CADPS2: variants seen among roughly 807,000 people sequenced by gnomAD.
The protein encoded by CADPS2 is calcium dependent secretion activator 2, also known as calcium-dependent secretion activator 2.
Under a neutral mutation model 172.5 loss-of-function variants are expected in CADPS2, and 93 were observed. That is an observed-to-expected ratio of 0.54 (90% CI 0.46 to 0.64). The LOEUF is 0.64. CADPS2 is among the 30% of genes least tolerant of loss of function. The pLI is 0.00. For synonymous variants in CADPS2, 546 were observed against 555.2 expected (o/e 0.98, Z 0.23); for missense variants, 1,420 against 1,565.9 (o/e 0.91, Z 1.57).
At chr7:122,507,563 G>C (rs949796043) in intron 9 of CADPS2, among the ~76,000 whole-genome samples, 7 of 152,110 alleles carry the variant, frequency 4.6e-5, no homozygotes, top group Non-Finnish European at 1.0e-4. Flanking sequence ...GAGGAAGCTT[G>C]AGGCCAGAAT....
At chr7:122,811,605 T>C (rs1361901712) in intron 1 of CADPS2, among the ~76,000 whole-genome samples, 1 of 152,164 alleles carries the variant, frequency 6.6e-6, no homozygotes, top group African/African-American at 2.4e-5. Context: ...CAGTCACCAA[T>C]AATTGAAAAC....
intron 3 of CADPS2, among the ~76,000 whole-genome samples, chr7:122,645,346 T>C (rs1416297749): frequency 7.4e-5 from 5 of 67,470 alleles, no homozygotes; most frequent in African/African-American, 1.2e-4. Context: ...CACATGTACA[T>C]GTGTGTGTAT....
chr7:122,631,958 G>A (rs1471705437), intron 3 of CADPS2, among the ~76,000 whole-genome samples: 2 of 152,062 alleles, frequency 1.3e-5, no homozygotes, highest in Non-Finnish European at 2.9e-5. Context: ...TTTATGTTAA[G>A]GTGCTAATTT....
chr7:122,754,706 C>T (rs1289653281), intron 1 of CADPS2, among the ~76,000 whole-genome samples: 1 of 152,084 alleles, frequency 6.6e-6, no homozygotes, highest in Non-Finnish European at 1.5e-5. Context: ...AAACTCCTGA[C>T]TCAGGGGATC....
chr7:122,746,953 T>C (rs1053333735), intron 1 of CADPS2, among the ~76,000 whole-genome samples: 4 of 152,156 alleles, frequency 2.6e-5, no homozygotes, highest in Non-Finnish European at 4.4e-5. Flanking sequence ...AGGACTCTCT[T>C]ATTCATTGAC....
At chr7:122,465,711 G>A (rs2055046539) in intron 14 of CADPS2, among the ~76,000 whole-genome samples, 1 of 152,098 alleles carries the variant, frequency 6.6e-6, no homozygotes, top group Admixed American at 6.5e-5. Context: ...TGCCAAAAAG[G>A]TTGAGGACCA....
At chr7:122,645,408 T>TATAC (rs1267135101) in intron 3 of CADPS2, among the ~76,000 whole-genome samples, 1 of 27,004 alleles carries the variant, frequency 3.7e-5, no homozygotes, top group Non-Finnish European at 1.2e-4. Flanking sequence ...TATGTACATA[T>TATAC]ACACACATGT....
intron 27 of CADPS2, 33 bp downstream of exon 27, chr7:122,360,755 T>C: frequency 6.5e-7 from 1 of 1,535,572 alleles, no homozygotes; most frequent in Non-Finnish European, 8.8e-7. Context: ...AAGAATTCCA[T>C]ACAGTTTTAA....
intron 1 of CADPS2, among the ~76,000 whole-genome samples, chr7:122,863,161 G>A (rs1398457247): frequency 1.3e-5 from 2 of 152,106 alleles, no homozygotes; most frequent in Non-Finnish European, 2.9e-5. Context: ...TCAAAATGGT[G>A]AGCAATTCTC....
At chr7:122,677,536 A>G (rs575296068) in intron 2 of CADPS2, among the ~76,000 whole-genome samples, 4 of 152,350 alleles carry the variant, frequency 2.6e-5, no homozygotes, top group Admixed American at 1.3e-4. Context: ...AGAGAGTCAC[A>G]TGATAAAAAC....
chr7:122,867,955 C>T (rs939531348), intron 1 of CADPS2, among the ~76,000 whole-genome samples: 3 of 152,132 alleles, frequency 2.0e-5, no homozygotes, highest in African/African-American at 7.2e-5. Flanking sequence ...ACCCTCTGTG[C>T]CTTTCTCCCT....
chr7:122,592,212 A>C (rs2133227366), intron 6 of CADPS2, among the ~76,000 whole-genome samples: 1 of 152,318 alleles, frequency 6.6e-6, no homozygotes, highest in African/African-American at 2.4e-5. Flanking sequence ...CAAGACATTT[A>C]TGCAGCCAAA....
intron 17 of CADPS2, among the ~76,000 whole-genome samples, chr7:122,432,422 C>T (rs1218613333): frequency 6.6e-6 from 1 of 151,774 alleles, no homozygotes; most frequent in East Asian, 1.9e-4. Context: ...GGTGGATCAC[C>T]TGAGGTCAGG....
chr7:122,506,729 A>T (rs955273147), intron 9 of CADPS2, among the ~76,000 whole-genome samples: 11 of 63,448 alleles, frequency 1.7e-4, no homozygotes, highest in African/African-American at 3.7e-4. Context: ...GAGTTATTTA[A>T]AAAAAAAAAA....
intron 1 of CADPS2, among the ~76,000 whole-genome samples, chr7:122,854,763 G>A (rs1031339862): frequency 9.9e-5 from 15 of 152,198 alleles, no homozygotes; most frequent in African/African-American, 3.6e-4. Context: ...TTCCAAAAGT[G>A]TTTGGTATAA....
intron 8 of CADPS2, among the ~76,000 whole-genome samples, chr7:122,541,809 ATATATTCATATG>A (rs879717992): frequency 0.13 from 10,131 of 79,210 alleles, 464 homozygotes; most frequent in African/African-American, 0.16. Context: ...ATATATATTT[ATATATTCATATG>A]TTTATATATT....
intron 14 of CADPS2, 40 bp downstream of exon 14, chr7:122,471,334 CA>C (rs757211331): frequency 7.0e-7 from 1 of 1,421,352 alleles, no homozygotes; most frequent in Admixed American, 2.0e-5. Flanking sequence ...TTTCCATAGT[CA>C]ACCCCATACA....
At chr7:122,779,142 T>C (rs1489364525) in intron 1 of CADPS2, among the ~76,000 whole-genome samples, 1 of 152,212 alleles carries the variant, frequency 6.6e-6, no homozygotes, top group Non-Finnish European at 1.5e-5. Flanking sequence ...TGTGGAACTG[T>C]GAGTCCATTA....
At chr7:122,828,374 GT>G (rs1383173857) in intron 1 of CADPS2, among the ~76,000 whole-genome samples, 1 of 151,206 alleles carries the variant, frequency 6.6e-6, no homozygotes, top group African/African-American at 2.4e-5. Context: ...CTCTATCTCT[GT>G]TTTTTGTAAG....
Sources: gnomAD v4.1 joint callset for allele counts (sites outside exome capture counted in the v4.1 genomes callset) on GRCh38, gnomAD v4.1.1 for gene constraint, MANE v1.5 for transcripts, NCBI Gene and HGNC (gene_info 2026-07-23, HGNC 2026-07-21) for gene names.